The following EEPD1 variants were observed in gnomAD, a reference collection of about 807,000 sequenced individuals.
EEPD1 encodes endonuclease/exonuclease/phosphatase family domain containing 1, also known as endonuclease/exonuclease/phosphatase family domain-containing protein 1.
Under a neutral mutation model 46.3 loss-of-function variants are expected in EEPD1, and 17 were observed. The ratio of observed to expected loss-of-function variants is 0.37; its 90% CI spans 0.25 to 0.55. EEPD1 has a LOEUF of 0.55. EEPD1 is among the 20% of genes least tolerant of loss of function. EEPD1 has a pLI of 0.83. For synonymous variants in EEPD1, 313 were observed against 315.6 expected (o/e 0.99, Z 0.09); for missense variants, 673 against 745.6 (o/e 0.90, Z 1.13).
At chr7:36,160,676 T>TGG (rs150571892) in intron 2 of EEPD1, among the ~76,000 whole-genome samples, 1,125 of 35,600 alleles carry the variant, frequency 0.032, 24 homozygotes, top group African/African-American at 0.074. Context: ...TGGGAGGTGG[T>TGG]GGGGGGCGGG....
intron 2 of EEPD1, among the ~76,000 whole-genome samples, chr7:36,233,921 T>A (rs1250719852): frequency 6.6e-6 from 1 of 152,128 alleles, no homozygotes; most frequent in Non-Finnish European, 1.5e-5. Context: ...GTTTTTTGTT[T>A]GTTTGTTTGT....
intron 2 of EEPD1, among the ~76,000 whole-genome samples, chr7:36,157,136 T>A (rs1428962851): frequency 2.0e-5 from 3 of 152,156 alleles, no homozygotes; most frequent in Non-Finnish European, 4.4e-5. Flanking sequence ...TGTGCATAGG[T>A]TATATGTAAA....
intron 2 of EEPD1, among the ~76,000 whole-genome samples, chr7:36,191,926 C>T (rs1156323728): frequency 6.6e-6 from 1 of 152,158 alleles, no homozygotes; most frequent in Non-Finnish European, 1.5e-5. Context: ...GCTACATGCC[C>T]TTAAGTTTGA....
intron 2 of EEPD1, among the ~76,000 whole-genome samples, chr7:36,237,022 T>TA (rs1403426357): frequency 6.6e-6 from 1 of 152,206 alleles, no homozygotes; most frequent in Non-Finnish European, 1.5e-5. Flanking sequence ...CATGCTGCTG[T>TA]AACACTCACT....
At position 36,271,720 on chromosome 7, in the gene EEPD1, C is replaced by CTTCTAGAGTTTTT. The variant is rs60503175; in HGVS notation, c.931-9395_931-9394insTTCTAGAGTTTTT. Among the ~76,000 whole-genome samples the CTTCTAGAGTTTTT allele has an allele frequency of 7.2e-5, 4 of 55,332 alleles. 2 individuals carry two copies. The highest frequency in any genetic ancestry group is 1.4e-3 in the South Asian group (2 of 1,454). The allele number at this position is 55,332 out of a possible 152,430, so 36.3% of individuals were successfully genotyped here. ...TCCTGAATGGTATTGCCTAGGTTTT[C>CTTCTAGAGTTTTT]ATGGTTTTAGGTTTTACATTTAAGT... On this transcript the variant is annotated intron_variant, in intron 3 of 7. Transcript: ENST00000242108.
intron 3 of EEPD1, among the ~76,000 whole-genome samples, chr7:36,271,950 C>T (rs1414161021): frequency 6.6e-6 from 1 of 151,820 alleles, no homozygotes; most frequent in African/African-American, 2.4e-5. Context: ...GGCACAATCT[C>T]GGCCCACTGC....
intron 3 of EEPD1, among the ~76,000 whole-genome samples, chr7:36,247,122 C>CAAAA: frequency 9.3e-6 from 1 of 107,220 alleles, no homozygotes; most frequent in Non-Finnish European, 2.0e-5. Context: ...GACTCCATCT[C>CAAAA]AAAAAAAAAA....
chr7:36,198,324 GAAAAAAAAAAAAGAAAAGAAAA>G (rs1583803367), intron 2 of EEPD1, among the ~76,000 whole-genome samples: 3 of 25,270 alleles, frequency 1.2e-4, no homozygotes, highest in African/African-American at 2.6e-4. Context: ...CTGGTCTTAA[GAAAAAAAAAAAAGAAAAGAAAA>G]AAAAAAAAAA....
At chr7:36,211,593 GA>G (rs1449954476) in intron 2 of EEPD1, among the ~76,000 whole-genome samples, 4 of 152,144 alleles carry the variant, frequency 2.6e-5, no homozygotes, top group African/African-American at 9.7e-5. Flanking sequence ...AAAAAAATCA[GA>G]AAGAAGAAAG....
In EEPD1 at chr7:36,217,232, T is replaced by A. The variant is rs145226439; in HGVS notation, c.879-21753T>A. ...TTATGTGCTAAACAAGGGGAGGATT[T>A]TTCATGAGTTTTCAGGGAAAGAGGT... On this transcript the variant is annotated intron_variant, in intron 2 of 7. Coordinates refer to ENST00000242108, the MANE Select transcript of EEPD1 (RefSeq NM_030636.3). Among the ~76,000 whole-genome samples the A allele has an allele frequency of 3.6e-3, 542 of 152,398 alleles. 4 individuals carry two copies. The highest frequency in any genetic ancestry group is 0.012 in the African/African-American group (509 of 41,604).
At chr7:36,208,416 C>A (rs1231339624) in intron 2 of EEPD1, among the ~76,000 whole-genome samples, 1 of 152,230 alleles carries the variant, frequency 6.6e-6, no homozygotes, top group African/African-American at 2.4e-5. Flanking sequence ...AGCATGTGTA[C>A]CTCACAGTGT....
intron 2 of EEPD1, among the ~76,000 whole-genome samples, chr7:36,208,977 G>A (rs544526889): frequency 1.3e-5 from 2 of 152,308 alleles, no homozygotes; most frequent in South Asian, 4.1e-4. Flanking sequence ...ACCTCTCCTG[G>A]AGAGGTAGAG....
rs577488295 is a variant in EEPD1, at chr7:36,275,803, T to C, written c.931-5312T>C. Among the ~76,000 whole-genome samples the C allele has an allele frequency of 1.4e-4, 22 of 152,180 alleles. 1 individual carries two copies. Among genetic ancestry groups the C allele is most frequent in the Middle Eastern group, 6.8e-3 (2 of 294 alleles). On this transcript the variant is annotated intron_variant, in intron 3 of 7. Coordinates refer to ENST00000242108, the MANE Select transcript of EEPD1 (RefSeq NM_030636.3). The stretch of plus-strand genomic sequence containing the variant: ...TTCCGAGTCAGCACCAGATGAATTA[T>C]GGAATATTCTTTTCAGAAAGAGGGA...
intron 2 of EEPD1, among the ~76,000 whole-genome samples, chr7:36,219,835 G>A (rs891483451): frequency 7.4e-5 from 11 of 148,748 alleles, no homozygotes; most frequent in Non-Finnish European, 1.5e-4. Flanking sequence ...GTGTGTGTGT[G>A]TGTGTTCATT....
intron 6 of EEPD1, among the ~76,000 whole-genome samples, chr7:36,294,005 C>T (rs1787486245): frequency 6.6e-6 from 1 of 151,918 alleles, no homozygotes; most frequent in Non-Finnish European, 1.5e-5. Flanking sequence ...GAAGCACATC[C>T]ATCTCCAGGA....
intron 2 of EEPD1, among the ~76,000 whole-genome samples, chr7:36,201,890 G>GT (rs1461162066): frequency 2.6e-5 from 4 of 152,172 alleles, no homozygotes; most frequent in Non-Finnish European, 5.9e-5. Flanking sequence ...CTGTCTTTTT[G>GT]TGAGTTCTGG....
chr7:36,193,868 T>A lies in EEPD1; in HGVS notation c.878+38666T>A, dbSNP rs1167399430. Among the ~76,000 whole-genome samples, 1 of 152,000 alleles carries A rather than the reference T, an allele frequency of 6.6e-6. No individual in the cohort carries two copies. The highest frequency in any genetic ancestry group is 1.9e-4 in the East Asian group (1 of 5,182). The stretch of plus-strand genomic sequence containing the variant: ...CCTGGGGGACCCTGACACCATTCTG[T>A]GGGAGAGATGACAGTAAAATTAGGC... On this transcript the variant is annotated intron_variant, in intron 2 of 7. Coordinates refer to ENST00000242108, the MANE Select transcript of EEPD1 (RefSeq NM_030636.3). The surrounding 1 kb of genome is among the most constrained non-coding windows in gnomAD (Gnocchi z 4.9).
chr7:36,191,762 G>A (rs982288558), intron 2 of EEPD1, among the ~76,000 whole-genome samples: 2 of 152,196 alleles, frequency 1.3e-5, no homozygotes, highest in African/African-American at 4.8e-5. Context: ...CTTATGCCCT[G>A]ACCATTCCAG....
intron 6 of EEPD1, among the ~76,000 whole-genome samples, chr7:36,294,989 C>T (rs1446293060): frequency 6.6e-6 from 1 of 151,942 alleles, no homozygotes; most frequent in African/African-American, 2.4e-5. Context: ...ACCAGCCTGG[C>T]CAACATGGTA....
Sources: allele counts gnomAD v4.1 joint callset (sites outside exome capture counted in the v4.1 genomes callset), GRCh38; gene constraint gnomAD v4.1.1; non-coding constraint Gnocchi (gnomAD v3.1); transcripts MANE v1.5; gene names NCBI Gene and HGNC (gene_info 2026-07-23, HGNC 2026-07-21).